The following EPHB1 variants were observed in gnomAD, a reference collection of about 807,000 sequenced individuals.
EPHB1 encodes ephrin type-B receptor 1.
In EPHB1, 30 loss-of-function variants were observed where a neutral mutation model predicts 94.4. That is an observed-to-expected ratio of 0.32 (90% CI 0.24 to 0.43). EPHB1 has a LOEUF of 0.43. EPHB1 is among the 20% of genes least tolerant of loss of function. The probability of loss-of-function intolerance (pLI) is 1.00; values close to 1 mark genes in which losing one functional copy is unlikely to be tolerated. For missense variants in EPHB1, 1,055 were observed against 1,308.3 expected (o/e 0.81, Z 2.99); for synonymous variants, 522 against 489.1 (o/e 1.07, Z -0.89).
At chr3:135,011,250 C>T (rs949386995) in intron 3 of EPHB1, among the ~76,000 whole-genome samples, 1 of 152,178 alleles carries the variant, frequency 6.6e-6, no homozygotes, top group Non-Finnish European at 1.5e-5. Flanking sequence ...AGTTTTAGGG[C>T]AGGCCTCATT....
At position 134,807,522 on chromosome 3, in the gene EPHB1, T is replaced by C. The variant is rs554011277; in HGVS notation, c.58+11833T>C. Among the ~76,000 whole-genome samples, 12 of 137,924 alleles carry C rather than the reference T, an allele frequency of 8.7e-5. No homozygotes were observed. The South Asian group carries it at 1.2e-3, about 14-fold the overall frequency. 90.5% of individuals were successfully genotyped at this position (137,924 alleles called of 152,430 possible). ...GTGTGTGTGTGTGTGTGTGTGTGTG[T>C]GTGCACGTGTGTGTGTGTGAGAGAG... is the stretch of plus-strand genomic sequence containing the variant. On this transcript the variant is annotated intron_variant, in intron 1 of 15. Transcript: ENST00000398015.
rs1301929190 is a variant in EPHB1 at position 135,106,431 on chromosome 3, G to A, written c.806-17G>A. ...CCACACTTCCATTAATTATCACATG[G>A]TCTCTTTGTGTTCTAGCTTGCCCTG... On this transcript the variant is annotated splice_polypyrimidine_tract_variant and intron_variant, in intron 3 of 15. Coordinates refer to ENST00000398015, the MANE Select transcript of EPHB1 (RefSeq NM_004441.5). 2 of 1,613,724 alleles carry A rather than the reference G, an allele frequency of 1.2e-6. No homozygotes were observed. Among genetic ancestry groups the A allele is most frequent in the Middle Eastern group, 1.7e-4 (1 of 6,056 alleles).
At chr3:135,241,032 T>G in intron 12 of EPHB1, 116 bp from the exon 13 acceptor site, 1 of 1,250,214 alleles carries the variant, frequency 8.0e-7, no homozygotes. Context: ...CTGTCTGTCA[T>G]AATTCACAAG....
intron 10 of EPHB1, among the ~76,000 whole-genome samples, chr3:135,188,012 A>G (rs1258785188): frequency 3.3e-5 from 5 of 152,102 alleles, no homozygotes; most frequent in African/African-American, 1.2e-4. Context: ...CAGCCTGGCC[A>G]ACATGGAGAA....
At chr3:135,064,029 T>C (rs941779494) in intron 3 of EPHB1, among the ~76,000 whole-genome samples, 2 of 152,322 alleles carry the variant, frequency 1.3e-5, no homozygotes, top group South Asian at 2.1e-4. Flanking sequence ...CATCCCTATG[T>C]CCCTGGTATG....
intron 12 of EPHB1, among the ~76,000 whole-genome samples, chr3:135,215,412 C>G (rs1283933678): frequency 2.0e-5 from 3 of 152,224 alleles, no homozygotes; most frequent in Non-Finnish European, 4.4e-5. Context: ...ATCCGCCTGC[C>G]TTAGCCTCCC....
intron 1 of EPHB1, among the ~76,000 whole-genome samples, chr3:134,848,890 C>T (rs2036924277): frequency 6.6e-6 from 1 of 152,270 alleles, no homozygotes; most frequent in Admixed American, 6.5e-5. Flanking sequence ...TAGAACCATG[C>T]CCAAAGGCCA....
At chr3:134,890,878 A>G (rs1192488996) in intron 1 of EPHB1, among the ~76,000 whole-genome samples, 1 of 152,156 alleles carries the variant, frequency 6.6e-6, no homozygotes, top group Non-Finnish European at 1.5e-5. Flanking sequence ...TTGTAATGAT[A>G]AAAACCATTG....
At chr3:135,106,297 T>C in intron 3 of EPHB1, 151 bp from the exon 4 acceptor site, 1 of 784,982 alleles carries the variant, frequency 1.3e-6, no homozygotes, top group East Asian at 2.7e-5. Flanking sequence ...AAGTGTTAAA[T>C]ATGGGTTTCC....
At chr3:135,084,997 A>C (rs1938301196) in intron 3 of EPHB1, among the ~76,000 whole-genome samples, 1 of 152,170 alleles carries the variant, frequency 6.6e-6, no homozygotes, top group Non-Finnish European at 1.5e-5. Flanking sequence ...GCTACAACAG[A>C]ACTTGCCCGC....
chr3:135,203,038 A>G (rs530412085), intron 12 of EPHB1, among the ~76,000 whole-genome samples: 3 of 152,250 alleles, frequency 2.0e-5, no homozygotes, highest in African/African-American at 7.2e-5. Flanking sequence ...CTATGCAGCC[A>G]TATAAAAGAA....
chr3:135,061,368 A>ACCCCCCCC (rs34282243), intron 3 of EPHB1, among the ~76,000 whole-genome samples: 1 of 111,372 alleles, frequency 9.0e-6, no homozygotes. Flanking sequence ...AGGAATGACC[A>ACCCCCCCC]CCCCCCCCGA....
chr3:134,804,382 C>T (rs2035995881), intron 1 of EPHB1, among the ~76,000 whole-genome samples: 1 of 152,142 alleles, frequency 6.6e-6, no homozygotes, highest in Non-Finnish European at 1.5e-5. Context: ...ATTCAATTCC[C>T]TTGGCGTTGG....
At chr3:134,797,340 A>G (rs2035849761) in intron 1 of EPHB1, among the ~76,000 whole-genome samples, 1 of 152,148 alleles carries the variant, frequency 6.6e-6, no homozygotes, top group Non-Finnish European at 1.5e-5. Context: ...GAAATTGGAA[A>G]TTCAAGGGGA....
At chr3:135,250,780 G>A (rs763884624) in intron 15 of EPHB1, among the ~76,000 whole-genome samples, 4 of 152,120 alleles carry the variant, frequency 2.6e-5, no homozygotes, top group African/African-American at 7.2e-5. Context: ...AGCACATATT[G>A]TGGGATCTGG....
chr3:135,200,020 A>G (rs895580424), intron 11 of EPHB1, among the ~76,000 whole-genome samples: 5 of 152,168 alleles, frequency 3.3e-5, no homozygotes, highest in African/African-American at 1.2e-4. Flanking sequence ...CAGAGTGCCT[A>G]TGTTTAGCAG....
At chr3:134,869,516 C>T (rs1409059978) in intron 1 of EPHB1, among the ~76,000 whole-genome samples, 1 of 152,188 alleles carries the variant, frequency 6.6e-6, no homozygotes, top group Non-Finnish European at 1.5e-5. Flanking sequence ...CTATGCTGAA[C>T]CACTCGCTGA....
intron 12 of EPHB1, among the ~76,000 whole-genome samples, chr3:135,229,988 G>A (rs1457863250): frequency 6.6e-6 from 1 of 152,192 alleles, no homozygotes; most frequent in Admixed American, 6.5e-5. Context: ...AAGGCCCAGG[G>A]GTCACTGGTG....
At chr3:135,038,844 C>A (rs1277408026) in intron 3 of EPHB1, among the ~76,000 whole-genome samples, 1 of 152,108 alleles carries the variant, frequency 6.6e-6, no homozygotes, top group African/African-American at 2.4e-5. Context: ...TGGAAGGGGA[C>A]CCCAGCGGGT....
Sources: gnomAD v4.1 joint callset for allele counts (sites outside exome capture counted in the v4.1 genomes callset) on GRCh38, gnomAD v4.1.1 for gene constraint, MANE v1.5 for transcripts, NCBI Gene and HGNC (gene_info 2026-07-23, HGNC 2026-07-21) for gene names.